The following PPP1R9A variants were observed in gnomAD, a reference collection of about 807,000 sequenced individuals.
PPP1R9A encodes the protein protein phosphatase 1 regulatory subunit 9A, also known as neurabin-1.
Under a neutral mutation model 141.9 loss-of-function variants are expected in PPP1R9A, and 59 were observed. The ratio of observed to expected loss-of-function variants is 0.42; its 90% CI spans 0.34 to 0.52. The LOEUF (loss-of-function observed/expected upper bound fraction) is 0.52, where lower values mean the gene tolerates loss of function less well. Ranked by LOEUF, PPP1R9A falls within the 20% of genes least tolerant of loss-of-function variation. The pLI, the probability that PPP1R9A is intolerant of heterozygous loss-of-function variation, is 0.10. For missense variants in PPP1R9A, 1,444 were observed against 1,611.9 expected, an observed-to-expected ratio of 0.90 and a Z score of 1.78; for synonymous variants, 500 against 569.7, an observed-to-expected ratio of 0.88 and a Z score of 1.74.
chr7:95,170,733 T>C (rs186297124), intron 5 of PPP1R9A, among the ~76,000 whole-genome samples: 46 of 151,646 alleles, frequency 3.0e-4, no homozygotes, highest in Admixed American at 1.5e-3. Context: ...GGGAAGTCTT[T>C]AATAATGTAA....
intron 2 of PPP1R9A, among the ~76,000 whole-genome samples, chr7:94,994,712 G>C (rs1360445715): frequency 6.6e-6 from 1 of 152,014 alleles, no homozygotes; most frequent in East Asian, 1.9e-4. Context: ...TGGCCAACAT[G>C]GTGAAACCCC....
intron 2 of PPP1R9A, among the ~76,000 whole-genome samples, chr7:95,069,269 G>A (rs1253876390): frequency 6.6e-6 from 1 of 152,172 alleles, no homozygotes; most frequent in African/African-American, 2.4e-5. Context: ...AATCAGAAAT[G>A]TGGAGGGGGA....
chr7:95,277,860 G>A lies in PPP1R9A; in HGVS notation c.3296+3692G>A, dbSNP rs543340176. ...CCTATTCTGTATTCTGGAGTAAGTA[G>A]CCACTGATGTCAGTGGAGCATCTAC... On this transcript the variant is annotated intron_variant, in intron 16 of 19. Coordinates refer to ENST00000433360, the MANE Select transcript of PPP1R9A (RefSeq NM_001166160.2). 2.0e-5 allele frequency among the ~76,000 whole-genome samples: 3 copies of A among 152,332 alleles called. No homozygotes were observed. The South Asian group carries it at 6.2e-4, about 32-fold the overall frequency.
At chr7:95,248,867 GT>G (rs1348078565) in intron 9 of PPP1R9A, among the ~76,000 whole-genome samples, 1 of 152,070 alleles carries the variant, frequency 6.6e-6, no homozygotes, top group Non-Finnish European at 1.5e-5. Flanking sequence ...TTGCAAATGT[GT>G]TTAGTTAAAA....
intron 16 of PPP1R9A, among the ~76,000 whole-genome samples, chr7:95,275,268 C>T (rs1389532604): frequency 3.3e-5 from 5 of 151,940 alleles, no homozygotes; most frequent in Non-Finnish European, 5.9e-5. Context: ...ATTAGCCAGG[C>T]GTGGTGGCGC....
chr7:94,912,626 T>C (rs1325106938), intron 2 of PPP1R9A, among the ~76,000 whole-genome samples: 4 of 152,216 alleles, frequency 2.6e-5, no homozygotes, highest in Admixed American at 1.3e-4. Context: ...AAAATATAAA[T>C]TTACATAGAA....
chr7:94,978,759 A>G (rs1799757965), intron 2 of PPP1R9A, among the ~76,000 whole-genome samples: 1 of 152,176 alleles, frequency 6.6e-6, no homozygotes, highest in Admixed American at 6.5e-5. Context: ...CATTTAATTT[A>G]GATGTTCAGA....
chr7:95,087,344 A>G (rs79851628), intron 2 of PPP1R9A, among the ~76,000 whole-genome samples: 1 of 152,174 alleles, frequency 6.6e-6, no homozygotes, highest in Non-Finnish European at 1.5e-5. Flanking sequence ...TTATATAAAG[A>G]TAAATACTTC....
At chr7:94,937,829 T>C (rs1202689556) in intron 2 of PPP1R9A, among the ~76,000 whole-genome samples, 1 of 152,182 alleles carries the variant, frequency 6.6e-6, no homozygotes, top group Non-Finnish European at 1.5e-5. Flanking sequence ...AGTTTTTTCC[T>C]CTGTAAAATG....
At position 95,226,120 on chromosome 7, in the gene PPP1R9A, T is replaced by A. The variant is rs1361147410; in HGVS notation, c.2112+4T>A. On this transcript the variant is annotated splice_donor_region_variant and intron_variant, in intron 8 of 19. Transcript: ENST00000433360. ...GCTCAGTCACAAGTTCAAAGAGGTA[T>A]GCCACTAAGCTGCAAAATATTTCTT... 6.2e-7 allele frequency: 1 copy of A among 1,610,488 alleles called. No individual in the cohort carries two copies. The highest frequency in any genetic ancestry group is 1.3e-5 in the African/African-American group (1 of 74,834).
chr7:95,117,813 G>C (rs936316124), intron 3 of PPP1R9A, among the ~76,000 whole-genome samples: 12 of 152,110 alleles, frequency 7.9e-5, no homozygotes, highest in African/African-American at 2.9e-4. Context: ...ATGAAAGTGA[G>C]CAAGAATTCA....
chr7:95,172,572 A>G (rs891559782), intron 5 of PPP1R9A, among the ~76,000 whole-genome samples: 1 of 151,848 alleles, frequency 6.6e-6, no homozygotes, highest in Non-Finnish European at 1.5e-5. Context: ...AGGTAAATCT[A>G]ACAATATATT....
At chr7:95,139,086 CAACTT>C (rs926103319) in intron 4 of PPP1R9A, among the ~76,000 whole-genome samples, 2 of 152,084 alleles carry the variant, frequency 1.3e-5, no homozygotes, top group Non-Finnish European at 2.9e-5. Flanking sequence ...AATCAGGAAA[CAACTT>C]ATATTAGTCC....
intron 7 of PPP1R9A, among the ~76,000 whole-genome samples, chr7:95,220,395 G>A (rs1057215324): frequency 4.6e-5 from 7 of 151,908 alleles, no homozygotes; most frequent in South Asian, 2.1e-4. Context: ...TGTGATTAGC[G>A]CCATTTAGTT....
rs552570556 is a variant in PPP1R9A, at chr7:95,245,957, G to A, written c.2113-1516G>A. Reference sequence around the variant, plus strand: ...GAAGAATGTAAGCAGTGTGAGTGCGGCAGAATCAAACTGAAAAGTTTCAAA... The same window carrying A: ...GAAGAATGTAAGCAGTGTGAGTGCGACAGAATCAAACTGAAAAGTTTCAAA... On this transcript the variant is annotated intron_variant, in intron 8 of 19. Transcript: ENST00000433360. 5.9e-5 allele frequency among the ~76,000 whole-genome samples: 9 copies of A among 152,274 alleles called. No homozygotes were observed. In the South Asian group the frequency reaches 1.9e-3, roughly 32 times the overall value.
In PPP1R9A at chr7:94,910,902, G is replaced by C; in HGVS notation, c.789G>C (p.Lys263Asn). 2 of 1,614,030 alleles carry C rather than the reference G, an allele frequency of 1.2e-6. No individual in the cohort carries two copies. Among genetic ancestry groups the C allele is most frequent in the Non-Finnish European group, 1.7e-6 (2 of 1,180,020 alleles). The change falls in exon 2 of 20, where the codon AAG becomes AAC. Residue 263 changes from lysine to asparagine, a missense_variant. Lys to Asn is a moderately conservative substitution (Grantham distance 94). Transcript: ENST00000433360. This position sits in a 1 kb window ranked among gnomAD's most constrained non-coding sequence, Gnocchi z 4.5. ...KDSNSWPPSNKRGVDTEDAHK... is the reference protein window; with the variant it reads ...KDSNSWPPSNNRGVDTEDAHK... ...CTAATTCCTGGCCTCCTTCAAACAA[G>C]CGAGGTGTTGATACAGAGGATGCTC...
Position 95,111,349 on chromosome 7 carries a change from C to T in PPP1R9A, c.1486C>T (p.Arg496Cys), listed in dbSNP as rs1054773720. ...TTCAGCTGAGTATGAACTTGAAAAA[C>T]GTGTAGAAAAGCTGGAACTTTTCCC... Reference protein sequence around the residue: ...AASAEYELEKRVEKLELFPVE... With the variant: ...AASAEYELEKCVEKLELFPVE... The change falls in exon 3 of 20, where the codon CGT (arginine) becomes TGT (cysteine). Residue 496 changes from arginine to cysteine, a missense_variant. Transcript: ENST00000433360. 4.3e-6 allele frequency: 7 copies of T among 1,613,292 alleles called. No homozygotes were observed. Among genetic ancestry groups the T allele is most frequent in the African/African-American group, 2.7e-5 (2 of 74,812 alleles).
chr7:94,999,409 T>C (rs999055939), intron 2 of PPP1R9A, among the ~76,000 whole-genome samples: 15 of 152,216 alleles, frequency 9.9e-5, no homozygotes, highest in African/African-American at 3.1e-4. Context: ...ACAGGCAGGA[T>C]AGATACAGCA....
At chr7:94,968,848 C>G (rs1029843717) in intron 2 of PPP1R9A, among the ~76,000 whole-genome samples, 1 of 151,876 alleles carries the variant, frequency 6.6e-6, no homozygotes, top group Non-Finnish European at 1.5e-5. Flanking sequence ...CCTTTTGATT[C>G]TTTTTTCTCT....
Sources: allele counts gnomAD v4.1 joint callset (sites outside exome capture counted in the v4.1 genomes callset), GRCh38; gene constraint gnomAD v4.1.1; non-coding constraint Gnocchi (gnomAD v3.1); transcripts MANE v1.5; gene names NCBI Gene and HGNC (gene_info 2026-07-23, HGNC 2026-07-21).